Variants in DTNA observed in about 807,000 individuals in gnomAD.
The protein encoded by DTNA is dystrobrevin alpha.
In DTNA, 43 loss-of-function variants were observed where a neutral mutation model predicts 100.7. The ratio of observed to expected loss-of-function variants is 0.43; its 90% confidence interval spans 0.33 to 0.55. The LOEUF is 0.55. DTNA is among the 20% of genes least tolerant of loss of function. The pLI, the probability that DTNA is intolerant of heterozygous loss-of-function variation, is 0.04. For missense variants in DTNA, 798 were observed against 953.9 expected, an observed-to-expected ratio of 0.84 and a Z score of 2.15; for synonymous variants, 349 against 347.9, an observed-to-expected ratio of 1.00 and a Z score of -0.04.
intron 1 of DTNA, among the ~76,000 whole-genome samples, chr18:34,552,389 A>T (rs1475947672): frequency 6.6e-6 from 1 of 151,174 alleles, no homozygotes; most frequent in Non-Finnish European, 1.5e-5. Flanking sequence ...TTTTTTTTTT[A>T]AATTATACTT....
At chr18:34,558,093 C>A in intron 1 of DTNA, 8 of 153,482 alleles carry the variant, frequency 5.2e-5, no homozygotes, top group Non-Finnish European at 1.0e-4. Flanking sequence ...TAAAGCTGGT[C>A]CGAGAAGCGC....
intron 3 of DTNA, among the ~76,000 whole-genome samples, chr18:34,778,383 C>T (rs1256567597): frequency 6.6e-6 from 1 of 152,158 alleles, no homozygotes; most frequent in Non-Finnish European, 1.5e-5. Flanking sequence ...CTCCACTTCA[C>T]TCTTTTTATA....
At chr18:34,854,157 T>G (rs2096525238) in intron 15 of DTNA, among the ~76,000 whole-genome samples, 1 of 152,160 alleles carries the variant, frequency 6.6e-6, no homozygotes, top group Non-Finnish European at 1.5e-5. Flanking sequence ...AGTAGGAGAA[T>G]GGAGGGGCCG....
At chr18:34,566,296 G>A (rs1334061558) in intron 1 of DTNA, among the ~76,000 whole-genome samples, 1 of 151,464 alleles carries the variant, frequency 6.6e-6, no homozygotes. Flanking sequence ...AAAAAAAAAA[G>A]GAAGGTGTCA....
At chr18:34,823,080 A>G (rs1442500734) in intron 9 of DTNA, among the ~76,000 whole-genome samples, 1 of 152,180 alleles carries the variant, frequency 6.6e-6, no homozygotes, top group Non-Finnish European at 1.5e-5. Context: ...AATTTTTTCC[A>G]TATTTGTTTC....
intron 1 of DTNA, among the ~76,000 whole-genome samples, chr18:34,731,570 A>G (rs2088239118): frequency 6.6e-6 from 1 of 152,222 alleles, no homozygotes; most frequent in South Asian, 2.1e-4. Context: ...GCAAGTGCAT[A>G]ATGAAGAAAT....
intron 20 of DTNA, 71 bp downstream of exon 20, chr18:34,879,790 A>G (rs942983427): frequency 6.3e-7 from 1 of 1,585,172 alleles, no homozygotes; most frequent in African/African-American, 1.3e-5. Context: ...AGAAAGTAAA[A>G]GCATAATTGT....
chr18:34,754,643 T>G (rs8091502), intron 1 of DTNA, among the ~76,000 whole-genome samples: 151,594 of 152,300 alleles, frequency 1, 75,453 homozygotes, highest in Middle Eastern at 1. Context: ...TTTTTAATTG[T>G]CAGATAATTA....
At chr18:34,526,135 C>A (rs536173127) in intron 1 of DTNA, among the ~76,000 whole-genome samples, 23 of 152,236 alleles carry the variant, frequency 1.5e-4, no homozygotes, top group African/African-American at 5.5e-4. Flanking sequence ...AATCAAAGAT[C>A]CATTATTCAC....
At chr18:34,760,108 G>C (rs977336550) in intron 2 of DTNA, 9 of 152,144 alleles carry the variant, frequency 5.9e-5, no homozygotes, top group African/African-American at 2.2e-4. Flanking sequence ...TAAGAAAACC[G>C]ATCTCAAAAA....
intron 1 of DTNA, among the ~76,000 whole-genome samples, chr18:34,654,564 A>T (rs16965738): frequency 0.11 from 17,358 of 152,186 alleles, 1,481 homozygotes; most frequent in African/African-American, 0.24. Flanking sequence ...ACAAAGTTAA[A>T]TATGAAAGTT....
chr18:34,561,155 G>A (rs1164881746), intron 1 of DTNA, among the ~76,000 whole-genome samples: 1 of 152,112 alleles, frequency 6.6e-6, no homozygotes, highest in Non-Finnish European at 1.5e-5. Context: ...TTTTTTTCAA[G>A]ATGTGGCAAC....
At chr18:34,722,765 A>G (rs2085653121) in intron 1 of DTNA, among the ~76,000 whole-genome samples, 1 of 152,102 alleles carries the variant, frequency 6.6e-6, no homozygotes, top group Admixed American at 6.6e-5. Context: ...TTCAGTCACT[A>G]TAGATTAGTT....
intron 1 of DTNA, among the ~76,000 whole-genome samples, chr18:34,627,683 G>A (rs2057510889): frequency 6.6e-6 from 1 of 152,100 alleles, no homozygotes; most frequent in Non-Finnish European, 1.5e-5. Context: ...CTTGGAACAT[G>A]GTGATCAACC....
At chr18:34,809,316 G>A (rs2149294429) in intron 5 of DTNA, among the ~76,000 whole-genome samples, 1 of 152,214 alleles carries the variant, frequency 6.6e-6, no homozygotes, top group South Asian at 2.1e-4. Flanking sequence ...AGGTAGCCAG[G>A]CATGGTGGCA....
rs534520981 is a variant in DTNA at position 34,815,501 on chromosome 18, T to C, written c.604-408T>C. On this transcript the variant is annotated intron_variant, in intron 6 of 22. Transcript: ENST00000444659. The stretch of plus-strand genomic sequence containing the variant: ...AAGTTGAGGAAGCTCAGAAGGGAAG[T>C]TGTTCTATAAATTTAGAAGACTGAC... The C allele has an allele frequency of 1.2e-4, 27 of 221,488 alleles. No individual in the cohort carries two copies. In the South Asian group the frequency reaches 1.8e-3, roughly 15 times the overall value. The allele number at this position is 221,488 out of a possible 1,614,324, so 13.7% of individuals were successfully genotyped here. A position where few individuals can be genotyped will look rare whatever the true frequency, so the allele number is the denominator to read the frequency against.
intron 1 of DTNA, among the ~76,000 whole-genome samples, chr18:34,688,095 G>A (rs572448014): frequency 2.2e-3 from 341 of 151,988 alleles, no homozygotes; most frequent in Middle Eastern, 0.01. Flanking sequence ...CTCTTTATCC[G>A]ATTTGCCAGT....
chr18:34,858,572 A>C (rs2096579677), intron 16 of DTNA, among the ~76,000 whole-genome samples, 174 bp downstream of exon 16: 1 of 152,174 alleles, frequency 6.6e-6, no homozygotes, highest in Admixed American at 6.5e-5. Flanking sequence ...GAAGCTGTTT[A>C]TATTTTGTTC....
intron 1 of DTNA, among the ~76,000 whole-genome samples, chr18:34,687,135 A>G (rs980653576): frequency 1.3e-5 from 2 of 151,796 alleles, no homozygotes; most frequent in African/African-American, 4.8e-5. Context: ...TCATGTCTCT[A>G]TCTCCTTCAG....
Sources: allele counts gnomAD v4.1 joint callset (sites outside exome capture counted in the v4.1 genomes callset), GRCh38; gene constraint gnomAD v4.1.1; transcripts MANE v1.5; gene names NCBI Gene and HGNC (gene_info 2026-07-23, HGNC 2026-07-21).